Variants in POTEJ observed in about 807,000 individuals in gnomAD.
POTEJ encodes POTE ankyrin domain family, member J.
POTEJ carries 11 observed loss-of-function variants against 69.0 expected under a neutral mutation model. The ratio of observed to expected loss-of-function variants is 0.16; its 90% CI spans 0.10 to 0.26. POTEJ has a LOEUF of 0.26. POTEJ is among the 10% of genes least tolerant of loss of function. POTEJ has a pLI of 1.00. For missense variants in POTEJ, 327 were observed against 1,045.5 expected (o/e 0.31, Z 9.48); for synonymous variants, 117 against 381.1 (o/e 0.31, Z 8.07).
rs1299615707 is a variant in POTEJ, at chr2:130,647,230, T to C, written c.1667+920T>C. Among the ~76,000 whole-genome samples, 6 of 151,214 alleles carry C rather than the reference T, an allele frequency of 4.0e-5. No homozygotes were observed. The East Asian group carries it at 9.6e-4, about 24-fold the overall frequency. On this transcript the variant is annotated intron_variant, in intron 13 of 14. Coordinates refer to ENST00000409602, the MANE Select transcript of POTEJ (RefSeq NM_001277083.2). ...TTAGTTTGATGACACATCTTAAGAG[T>C]TCTTGTTAAAATTCTTGTAATATCT...
chr2:130,626,768 C>T (rs1290890370), intron 6 of POTEJ, among the ~76,000 whole-genome samples: 30 of 152,150 alleles, frequency 2.0e-4, no homozygotes, highest in Non-Finnish European at 3.2e-4. Context: ...GGTTTTCACC[C>T]GTCCTTAGTG....
At chr2:130,640,446 T>A (rs1473493088) in intron 10 of POTEJ, among the ~76,000 whole-genome samples, 1 of 150,452 alleles carries the variant, frequency 6.6e-6, no homozygotes, top group East Asian at 1.9e-4. Context: ...GGACTGCAAA[T>A]ACTAGATGAG....
chr2:130,627,117 A>G (rs1685739758), intron 6 of POTEJ, among the ~76,000 whole-genome samples: 1 of 152,034 alleles, frequency 6.6e-6, no homozygotes, highest in Non-Finnish European at 1.5e-5. Context: ...GAAGGAGGAA[A>G]TTTTCTGGTG....
rs1312702028 is a variant in POTEJ, at chr2:130,657,822, G to A, written c.3062G>A (p.Ser1021Asn). 1.5e-6 allele frequency: 1 copy of A among 657,264 alleles called. No homozygotes were observed. Among genetic ancestry groups the A allele is most frequent in the South Asian group, 1.8e-5 (1 of 55,520 alleles). The allele number at this position is 657,264 out of a possible 1,614,324, so 40.7% of individuals were successfully genotyped here. ...TCCACCTTCCAGCAGATGTGGATCA[G>A]CAAGCAGGAGTATGATGAGTCAGGC... ...SLSTFQQMWI[S>N]KQEYDESGPS... is the part of the protein sequence containing the mutation. Residue 1021 changes from serine to asparagine, a missense_variant, in exon 15 of 15, where the codon AGC (serine) becomes AAC (asparagine). By Grantham distance (46) the Ser-to-Asn change is conservative. Transcript: ENST00000409602.
At chr2:130,612,759 T>C (rs1327128156) in intron 1 of POTEJ, among the ~76,000 whole-genome samples, 1 of 123,134 alleles carries the variant, frequency 8.1e-6, no homozygotes, top group Non-Finnish European at 1.7e-5. Flanking sequence ...CGAGATTCCG[T>C]CTCAAAAAAA....
At chr2:130,645,667 A>C (rs1303458609) in intron 11 of POTEJ, 70 bp from the exon 12 acceptor site, 5 of 311,612 alleles carry the variant, frequency 1.6e-5, no homozygotes, top group Admixed American at 1.0e-4. Flanking sequence ...TTTTAAAAAC[A>C]TGCACTCCAA....
intron 9 of POTEJ, among the ~76,000 whole-genome samples, chr2:130,638,195 T>C (rs1686180836): frequency 1.3e-5 from 2 of 151,036 alleles, no homozygotes; most frequent in African/African-American, 4.9e-5. Context: ...TCTTTGAGCA[T>C]TTAAAAAAAT....
intron 13 of POTEJ, among the ~76,000 whole-genome samples, chr2:130,650,105 G>A (rs1686753374): frequency 6.6e-6 from 1 of 152,276 alleles, no homozygotes; most frequent in Admixed American, 6.5e-5. Context: ...TACCAGGGAT[G>A]CTCTCTAACG....
At chr2:130,647,168 T>C (rs1686611255) in intron 13 of POTEJ, among the ~76,000 whole-genome samples, 1 of 151,082 alleles carries the variant, frequency 6.6e-6, no homozygotes, top group Non-Finnish European at 1.5e-5. Context: ...ATGTAGGGTA[T>C]ACTGATTATT....
chr2:130,641,377 C>T (rs1262402156), intron 10 of POTEJ, among the ~76,000 whole-genome samples: 1 of 149,148 alleles, frequency 6.7e-6, no homozygotes, highest in Non-Finnish European at 1.5e-5. Context: ...ACTATGTTGG[C>T]CTTCGTTATG....
chr2:130,637,188 T>C (rs1686126560), intron 9 of POTEJ, among the ~76,000 whole-genome samples: 1 of 150,364 alleles, frequency 6.7e-6, no homozygotes, highest in African/African-American at 2.5e-5. Flanking sequence ...ACATTGTTTA[T>C]ATTAATTTTT....
chr2:130,615,537 A>G (rs1219615020), intron 1 of POTEJ, among the ~76,000 whole-genome samples: 1 of 139,198 alleles, frequency 7.2e-6, no homozygotes, highest in East Asian at 1.9e-4. Flanking sequence ...TCTCAATTAC[A>G]GGTGGGAGCT....
At chr2:130,645,614 C>T in intron 11 of POTEJ, 123 bp from the exon 12 acceptor site, 1 of 327,732 alleles carries the variant, frequency 3.1e-6, no homozygotes, top group Non-Finnish European at 5.5e-6. Context: ...TAATTACTTT[C>T]TAATTTTTAT....
At chr2:130,627,122 C>T (rs1193326134) in intron 6 of POTEJ, among the ~76,000 whole-genome samples, 1 of 152,044 alleles carries the variant, frequency 6.6e-6, no homozygotes, top group Non-Finnish European at 1.5e-5. Flanking sequence ...AGGAAATTTT[C>T]TGGTGAATAC....
chr2:130,650,294 C>T (rs1686761980), intron 13 of POTEJ, among the ~76,000 whole-genome samples: 1 of 152,392 alleles, frequency 6.6e-6, no homozygotes, highest in East Asian at 1.9e-4. Flanking sequence ...CTGGCCATCC[C>T]AACTTTCCCA....
chr2:130,655,921 G>T (rs1393859216), intron 14 of POTEJ, among the ~76,000 whole-genome samples: 9 of 138,670 alleles, frequency 6.5e-5, no homozygotes, highest in Non-Finnish European at 1.2e-4. Context: ...ATATGTAGAA[G>T]TGGAATGCCT....
At chr2:130,613,398 A>G (rs1412947587) in intron 1 of POTEJ, among the ~76,000 whole-genome samples, 19 of 142,836 alleles carry the variant, frequency 1.3e-4, no homozygotes, top group African/African-American at 4.8e-4. Context: ...ATATATATAT[A>G]TATATATATA....
intron 10 of POTEJ, among the ~76,000 whole-genome samples, chr2:130,641,784 A>T (rs1437007630): frequency 1.4e-4 from 21 of 152,188 alleles, no homozygotes; most frequent in African/African-American, 5.1e-4. Context: ...CAGCATTTAT[A>T]ACTCACATCC....
At chr2:130,655,356 T>G (rs1420939610) in intron 14 of POTEJ, among the ~76,000 whole-genome samples, 8 of 152,206 alleles carry the variant, frequency 5.3e-5, no homozygotes, top group Non-Finnish European at 7.3e-5. Context: ...TTCTCGTTTT[T>G]GGACATTAGT....
Sources: allele counts gnomAD v4.1 joint callset (sites outside exome capture counted in the v4.1 genomes callset), GRCh38; gene constraint gnomAD v4.1.1; transcripts MANE v1.5; gene names NCBI Gene and HGNC (gene_info 2026-07-23, HGNC 2026-07-21).